KCNIP4: variants seen among roughly 807,000 people sequenced by gnomAD.
The protein encoded by KCNIP4 is potassium voltage-gated channel interacting protein 4.
Under a neutral mutation model 34.0 loss-of-function variants are expected in KCNIP4, and 12 were observed. The ratio of observed to expected loss-of-function variants is 0.35; its 90% CI spans 0.23 to 0.57. The LOEUF is 0.57. Among genes scored for constraint, KCNIP4 ranks in the 20% least tolerant of loss-of-function variants. KCNIP4 has a pLI of 0.83. For missense variants in KCNIP4, 238 were observed against 311.7 expected, an observed-to-expected ratio of 0.76 and a Z score of 1.78; for synonymous variants, 124 against 102.2, an observed-to-expected ratio of 1.21 and a Z score of -1.29.
intron 1 of KCNIP4, among the ~76,000 whole-genome samples, chr4:20,987,873 C>T (rs940911172): frequency 4.0e-5 from 6 of 151,120 alleles, no homozygotes; most frequent in Non-Finnish European, 7.4e-5. Context: ...TGGTGGTGGG[C>T]GCCTGTAGTC....
intron 1 of KCNIP4, among the ~76,000 whole-genome samples, chr4:20,892,977 C>T (rs1726105599): frequency 6.6e-6 from 1 of 152,184 alleles, no homozygotes; most frequent in Non-Finnish European, 1.5e-5. Flanking sequence ...ATCTGGAGTT[C>T]CTTATAAATA....
chr4:21,173,656 T>C (rs1754182851), intron 1 of KCNIP4, among the ~76,000 whole-genome samples: 1 of 152,172 alleles, frequency 6.6e-6, no homozygotes, highest in Admixed American at 6.5e-5. Context: ...CCCAAGGTCA[T>C]AGCCTCTTTG....
chr4:21,745,271 A>G (rs1192760063), intron 1 of KCNIP4, among the ~76,000 whole-genome samples: 3 of 152,208 alleles, frequency 2.0e-5, no homozygotes, highest in Non-Finnish European at 4.4e-5. Context: ...TTGCAAGACA[A>G]GTGTCCTTCA....
rs540865269 is a variant in KCNIP4, at chr4:21,663,047, G to A, written c.61+285524C>T. Among the ~76,000 whole-genome samples the A allele has an allele frequency of 2.0e-5, 3 of 152,294 alleles. No homozygotes were observed. In the South Asian group the frequency reaches 6.2e-4, roughly 32 times the overall value. On this transcript the variant is annotated intron_variant, in intron 1 of 8. Transcript: ENST00000382152. ...ATGCAGTCAAATTTTGATCAGGCAA[G>A]TGGGAGAAGGTTAAGACCTTAGAGG...
chr4:21,088,112 G>A (rs1357460147), intron 1 of KCNIP4, among the ~76,000 whole-genome samples: 1 of 130,976 alleles, frequency 7.6e-6, no homozygotes, highest in East Asian at 2.0e-4. Context: ...CATTGTATCT[G>A]AAATGTTGGC....
At chr4:21,457,660 T>A (rs1250989705) in intron 1 of KCNIP4, among the ~76,000 whole-genome samples, 1 of 151,984 alleles carries the variant, frequency 6.6e-6, no homozygotes, top group African/African-American at 2.4e-5. Context: ...TTCCCGCAGA[T>A]CTATCTCTTC....
chr4:21,844,473 CT>C (rs1723885213), intron 1 of KCNIP4: 1 of 152,048 alleles, frequency 6.6e-6, no homozygotes, highest in South Asian at 2.1e-4. Flanking sequence ...TATGGAATTA[CT>C]TGGCCCTTTT....
In KCNIP4 at chr4:20,729,999, CTA is replaced by C. The variant is rs1747564690; in HGVS notation, c.*81_*82del. On this transcript the variant is annotated 3_prime_UTR_variant, in exon 9 of 9. Coordinates refer to ENST00000382152, the MANE Select transcript of KCNIP4 (RefSeq NM_025221.6). ...ATGCTTCAGTGTCAAGCTGAGCAATCTATGCTAAAAGTGGTAGCTCCAACTTT... is the reference window on the plus strand; with the variant it reads ...ATGCTTCAGTGTCAAGCTGAGCAATCTGCTAAAAGTGGTAGCTCCAACTTT... 17 of 1,473,518 alleles carry C rather than the reference CTA, an allele frequency of 1.2e-5. No individual in the cohort carries two copies. The highest frequency in any genetic ancestry group is 1.5e-5 in the Non-Finnish European group (17 of 1,098,320). The allele number at this position is 1,473,518 out of a possible 1,614,324, so 91.3% of individuals were successfully genotyped here. A position where few individuals can be genotyped will look rare whatever the true frequency, so the allele number is the denominator to read the frequency against.
At chr4:20,828,799 A>G (rs1309031202) in intron 3 of KCNIP4, among the ~76,000 whole-genome samples, 5 of 152,230 alleles carry the variant, frequency 3.3e-5, no homozygotes, top group African/African-American at 1.2e-4. Context: ...CACACATAAA[A>G]GATTTTTGAT....
intron 4 of KCNIP4, among the ~76,000 whole-genome samples, chr4:20,755,180 T>C (rs990703610): frequency 5.3e-5 from 8 of 152,178 alleles, no homozygotes; most frequent in Non-Finnish European, 1.0e-4. Flanking sequence ...TATATCCAAA[T>C]TCACTTAATA....
chr4:21,138,198 G>A (rs1273753380), intron 1 of KCNIP4, among the ~76,000 whole-genome samples: 1 of 152,024 alleles, frequency 6.6e-6, no homozygotes, highest in East Asian at 1.9e-4. Flanking sequence ...TCTGCCACCT[G>A]GAATTCTTTT....
intron 1 of KCNIP4, among the ~76,000 whole-genome samples, chr4:21,610,064 C>T (rs528244120): frequency 3.9e-5 from 6 of 152,342 alleles, no homozygotes; most frequent in African/African-American, 1.4e-4. Flanking sequence ...ACTTCTCCTG[C>T]TGTCTTTAGA....
At chr4:20,880,101 T>C (rs546059774) in intron 2 of KCNIP4, among the ~76,000 whole-genome samples, 1 of 152,346 alleles carries the variant, frequency 6.6e-6, no homozygotes, top group East Asian at 1.9e-4. Flanking sequence ...GTATATCATG[T>C]AAATGAAATA....
At chr4:21,633,823 AT>A (rs1460798062) in intron 1 of KCNIP4, among the ~76,000 whole-genome samples, 1 of 152,122 alleles carries the variant, frequency 6.6e-6, no homozygotes, top group East Asian at 1.9e-4. Context: ...TAACATAAAT[AT>A]TGTTTTTGAA....
At chr4:21,270,824 T>G (rs920497018) in intron 1 of KCNIP4, among the ~76,000 whole-genome samples, 2 of 151,930 alleles carry the variant, frequency 1.3e-5, no homozygotes, top group African/African-American at 4.8e-5. Context: ...CCGTCTCTAC[T>G]AAAAATTCAA....
At chr4:21,738,995 T>A (rs963070339) in intron 1 of KCNIP4, among the ~76,000 whole-genome samples, 3 of 152,126 alleles carry the variant, frequency 2.0e-5, no homozygotes, top group Non-Finnish European at 4.4e-5. Flanking sequence ...ATCACAGGCA[T>A]GTATTTCAGT....
chr4:21,810,298 G>A (rs1721553440), intron 1 of KCNIP4, among the ~76,000 whole-genome samples: 1 of 152,176 alleles, frequency 6.6e-6, no homozygotes, highest in Non-Finnish European at 1.5e-5. Flanking sequence ...ACTGGTAAGA[G>A]ATTACAACTC....
intron 1 of KCNIP4, among the ~76,000 whole-genome samples, chr4:21,380,019 T>A (rs1294450752): frequency 1.3e-5 from 2 of 152,258 alleles, no homozygotes; most frequent in East Asian, 3.9e-4. Flanking sequence ...TTCTTACATA[T>A]GTAATCCCCT....
intron 1 of KCNIP4, among the ~76,000 whole-genome samples, chr4:21,138,703 C>A (rs998407812): frequency 5.3e-5 from 8 of 152,044 alleles, no homozygotes; most frequent in African/African-American, 1.9e-4. Context: ...GGAGATTATA[C>A]TAGATAATCC....
Sources: gnomAD v4.1 joint callset for allele counts (sites outside exome capture counted in the v4.1 genomes callset) on GRCh38, gnomAD v4.1.1 for gene constraint, MANE v1.5 for transcripts, NCBI Gene and HGNC (gene_info 2026-07-23, HGNC 2026-07-21) for gene names.